Variants in OPLAH observed in about 807,000 individuals in gnomAD.
OPLAH encodes the protein 5-oxoprolinase, ATP-hydrolysing, also known as 5-oxoprolinase.
In OPLAH, 103 loss-of-function variants were observed where a neutral mutation model predicts 122.8. The observed-to-expected ratio is 0.84, with a 90% confidence interval of 0.71 to 0.99. The LOEUF (loss-of-function observed/expected upper bound fraction) is 0.99. Ranked by LOEUF, OPLAH falls within the 50% of genes least tolerant of loss-of-function variation. The pLI, the probability that OPLAH is intolerant of heterozygous loss-of-function variation, is 0.00. For synonymous variants in OPLAH, 875 were observed against 796.0 expected (o/e 1.10, Z -1.67); for missense variants, 1,902 against 1,836.5 (o/e 1.04, Z -0.65).
At position 144,059,633 on chromosome 8, in the gene OPLAH, A is replaced by G; in HGVS notation, c.329T>C (p.Ile110Thr). Residue 110 changes from isoleucine to threonine, a missense_variant, in exon 3 of 27, where the codon ATT becomes ACT. Coordinates refer to ENST00000618853, the MANE Select transcript of OPLAH (RefSeq NM_017570.5). ...GAGGTCCCCACGGGCTTGGGTGCCAATGTGCAGCAGGTCTCGGAAGCCACG... is the reference window on the plus strand; with the variant it reads ...GAGGTCCCCACGGGCTTGGGTGCCAGTGTGCAGCAGGTCTCGGAAGCCACG... Reference protein sequence around the residue: ...VTRGFRDLLHIGTQARGDLFD... With the variant: ...VTRGFRDLLHTGTQARGDLFD... 6.2e-7 allele frequency: 1 copy of G among 1,611,992 alleles called. No individual in the cohort carries two copies. The highest frequency in any genetic ancestry group is 8.5e-7 in the Non-Finnish European group (1 of 1,179,320).
At position 144,060,046 on chromosome 8, in the gene OPLAH, G is replaced by T. The variant is rs782120646; in HGVS notation, c.-14C>A. The T allele has an allele frequency of 4.4e-6, 7 of 1,608,744 alleles. No individual in the cohort carries two copies. In the South Asian group the frequency reaches 6.6e-5, roughly 15 times the overall value. On this transcript the variant is annotated 5_prime_UTR_variant, in exon 2 of 27. Coordinates refer to ENST00000618853, the MANE Select transcript of OPLAH (RefSeq NM_017570.5). ...GGGGCTGCCCATGGTGGTGGGGCTG[G>T]AGTCCCACAGGAGCTCTTCAGCTGG...
chr8:144,054,759 A>G (rs771599959), intron 18 of OPLAH, 24 bp from the exon 19 acceptor site: 1 of 1,612,128 alleles, frequency 6.2e-7, no homozygotes, highest in Non-Finnish European at 8.5e-7. Flanking sequence ...AGCCACGGTC[A>G]GCTGCATCGG....
chr8:144,060,001 GC>G lies in OPLAH; in HGVS notation c.31del (p.Ala11ProfsTer23), dbSNP rs1564295122. The G allele has an allele frequency of 6.2e-7, 1 of 1,612,658 alleles. No homozygotes were observed. The highest frequency in any genetic ancestry group is 8.5e-7 in the Non-Finnish European group (1 of 1,179,780). MGSPEGRFHFAIDRGGTFTDV... is the reference protein window; with the variant it reads MGSPEGRFHFXIDRGGTFTDV... The stretch of plus-strand genomic sequence containing the variant: ...TGTGAAGGTACCCCCACGGTCGATG[GC>G]AAAGTGGAAGCGGCCCTCGGGGCTG... On this transcript the variant is annotated frameshift_variant, in exon 2 of 27. Coordinates refer to ENST00000618853, the MANE Select transcript of OPLAH (RefSeq NM_017570.5). LOFTEE classifies it high-confidence loss of function.
rs781819423 is a variant in OPLAH, at chr8:144,054,847, C to G, written c.2476G>C (p.Gly826Arg). ...VLLSNHPSAG[G>R]SHLPDLTVIT... ...ACAGTCAGGTCTGGCAGGTGGCTGCCCCCGGCACTGGGATGGTTGCTCAGT... is the reference window on the plus strand; with the variant it reads ...ACAGTCAGGTCTGGCAGGTGGCTGCGCCCGGCACTGGGATGGTTGCTCAGT... The change falls in exon 18 of 27, where the codon GGC (glycine) becomes CGC (arginine). Residue 826 changes from glycine (G) to arginine (R), a missense_variant. Physicochemically the swap from Gly to Arg is moderately radical, Grantham distance 125 (BLOSUM62 -2). Coordinates refer to ENST00000618853, the MANE Select transcript of OPLAH (RefSeq NM_017570.5). 1 of 1,612,180 alleles carries G rather than the reference C, an allele frequency of 6.2e-7. No individual in the cohort carries two copies. The highest frequency in any genetic ancestry group is 1.3e-5 in the African/African-American group (1 of 74,966).
chr8:144,054,535 G>T (rs945030886), intron 19 of OPLAH, 26 bp downstream of exon 19: 3 of 1,549,612 alleles, frequency 1.9e-6, no homozygotes, highest in Non-Finnish European at 2.6e-6. Flanking sequence ...CCTACAGAAG[G>T]CCTGCCCCAC....
At chr8:144,060,699 G>GCTCCCGGCGGCCCTGCCCGCA (rs1260058260), upstream of OPLAH, 6 of 152,076 alleles carry the variant, frequency 3.9e-5, no homozygotes, top group African/African-American at 7.2e-5. Flanking sequence ...CTCTGCCTGC[G>GCTCCCGGCGGCCCTGCCCGCA]CTCCCGGCGG....
intron 20 of OPLAH, 33 bp from the exon 21 acceptor site, chr8:144,053,162 C>G: frequency 6.2e-7 from 1 of 1,608,270 alleles, no homozygotes; most frequent in Non-Finnish European, 8.5e-7. Flanking sequence ...GTGGCCAGGT[C>G]ACCTGCAGGA....
intron 13 of OPLAH, 42 bp from the exon 14 acceptor site, chr8:144,056,565 C>G (rs1346751511): frequency 6.2e-7 from 1 of 1,612,250 alleles, no homozygotes; most frequent in Admixed American, 1.7e-5. Context: ...CAGAGTGAGG[C>G]GGCCAGACAG....
At position 144,056,383 on chromosome 8, in the gene OPLAH, AC is replaced by A. The variant is rs1554759080; in HGVS notation, c.1983+1del. ...CAGGCTGGCACAGGCAGGACCACCAACCTTGTCCACCCGGGGAGGCCCGGTC... is the reference window on the plus strand; with the variant it reads ...CAGGCTGGCACAGGCAGGACCACCAACTTGTCCACCCGGGGAGGCCCGGTC... On this transcript the variant is annotated splice_donor_variant, in intron 14 of 26. Transcript: ENST00000618853. LOFTEE classifies it high-confidence loss of function. The A allele has an allele frequency of 1.9e-6, 3 of 1,603,466 alleles. No individual in the cohort carries two copies. Among genetic ancestry groups the A allele is most frequent in the Non-Finnish European group, 1.7e-6 (2 of 1,175,418 alleles).
chr8:144,058,821 A>G lies in OPLAH; in HGVS notation c.539T>C (p.Leu180Pro), dbSNP rs782293663. The G allele has an allele frequency of 2.5e-6, 4 of 1,597,652 alleles. No individual in the cohort carries two copies. The South Asian group carries it at 3.4e-5, about 14-fold the overall frequency. Residue 180 changes from leucine (L) to proline (P), a missense_variant, in exon 5 of 27, where the codon CTA becomes CCA. Around this residue, in one of 3 missense-constraint regions of OPLAH, gnomAD observed 1,726 missense variants for 1,642.1 expected, o/e 1.05. Coordinates refer to ENST00000618853, the MANE Select transcript of OPLAH (RefSeq NM_017570.5). ...AGCCAGGCTGCGGATGCCTCGAGAT[A>G]GCAGCCCCTCCAGCTTCCCACGCAG... is the stretch of plus-strand genomic sequence containing the variant. ...GALRGKLEGL[L>P]SRGIRSLAVV...
Position 144,051,487 on chromosome 8 carries a change from GGGGGC to G in OPLAH, c.3721-20_3721-16del, listed in dbSNP as rs782341746. 45 of 1,469,878 alleles carry G rather than the reference GGGGGC, an allele frequency of 3.1e-5. No individual in the cohort carries two copies. In the African/African-American group the frequency reaches 3.8e-4, roughly 12 times the overall value. 91.1% of individuals were successfully genotyped at this position (1,469,878 alleles called of 1,614,324 possible). ...CAGAACACATCCTGTTGGCGCGGGG[GGGGGC>G]GGGGAGGCGGGCTCAGTGCAGGCGT... On this transcript the variant is annotated splice_polypyrimidine_tract_variant and intron_variant, in intron 26 of 26. Transcript: ENST00000618853.
Position 144,055,659 on chromosome 8 carries a change from G to C in OPLAH, c.2248+129C>G. On this transcript the variant is annotated intron_variant, in intron 16 of 26. Transcript: ENST00000618853. The surrounding 1 kb of genome is among the most constrained non-coding windows in gnomAD (Gnocchi z 6.5). ...TGGCCAACTGCACCACACCAGTGCT[G>C]CGGCCACACTGCCCGCCCCGTCGCC... The C allele has an allele frequency of 1.7e-6, 2 of 1,167,282 alleles. No homozygotes were observed. The highest frequency in any genetic ancestry group is 3.5e-5 in the South Asian group (2 of 56,832). The allele number at this position is 1,167,282 out of a possible 1,614,324, so 72.3% of individuals were successfully genotyped here.
rs1835545317 is a variant in OPLAH, at chr8:144,057,330, C to T, written c.1423-10G>A. The T allele has an allele frequency of 6.2e-7, 1 of 1,607,148 alleles. No individual in the cohort carries two copies. The highest frequency in any genetic ancestry group is 1.1e-5 in the South Asian group (1 of 89,924). On this transcript the variant is annotated splice_polypyrimidine_tract_variant and intron_variant, in intron 10 of 26. Coordinates refer to ENST00000618853, the MANE Select transcript of OPLAH (RefSeq NM_017570.5). ...GGTCATGGCCTCTTGCCTAGGGAGA[C>T]AGAAGGGGTCAGTGGGCTCTCCTAC...
In OPLAH at chr8:144,053,108, G is replaced by T; in HGVS notation, c.2893C>A (p.Arg965=). The change falls in exon 21 of 27, where the codon CGA becomes AGA. Residue 965 remains arginine, a synonymous_variant. Transcript: ENST00000618853. ...HIQANAELAV[R]DMLRAFGTSR... is the part of the protein sequence containing the mutation. ...GTTCCAAAGGCACGCAACATGTCTC[G>T]CACGGCCAGCTCAGCGTTTGCCTGG... 1 of 1,606,290 alleles carries T rather than the reference G, an allele frequency of 6.2e-7. No homozygotes were observed. Among genetic ancestry groups the T allele is most frequent in the East Asian group, 2.3e-5 (1 of 44,420 alleles).
downstream of OPLAH, chr8:144,050,538 G>A: frequency 1.0e-6 from 1 of 985,644 alleles, no homozygotes; most frequent in Non-Finnish European, 1.2e-6. Context: ...TCTCTCTGCA[G>A]ACCACCGGCT....
chr8:144,054,545 C>CCCCACT lies in OPLAH; in HGVS notation c.2686+10_2686+15dup, dbSNP rs782203137. The stretch of plus-strand genomic sequence containing the variant: ...CCCAGCCTACAGAAGGCCTGCCCCA[C>CCCCACT]CCCACTCCCACTCACCCTCCTCCTG... On this transcript the variant is annotated intron_variant, in intron 19 of 26. Coordinates refer to ENST00000618853, the MANE Select transcript of OPLAH (RefSeq NM_017570.5). 6.4e-7 allele frequency: 1 copy of CCCCACT among 1,562,626 alleles called. No homozygotes were observed. The highest frequency in any genetic ancestry group is 8.7e-7 in the Non-Finnish European group (1 of 1,149,466).
chr8:144,058,843 G>A lies in OPLAH; in HGVS notation c.517C>T (p.Arg173Cys), dbSNP rs782233972. 22 of 1,580,010 alleles carry A rather than the reference G, an allele frequency of 1.4e-5. No individual in the cohort carries two copies. Among genetic ancestry groups the A allele is most frequent in the Admixed American group, 1.3e-4 (7 of 55,224 alleles). Residue 173 changes from arginine to cysteine, a missense_variant, in exon 5 of 27, where the codon CGT (arginine) becomes TGT (cysteine). Around this residue, in one of 3 missense-constraint regions of OPLAH, gnomAD observed 1,726 missense variants for 1,642.1 expected, o/e 1.05. Coordinates refer to ENST00000618853, the MANE Select transcript of OPLAH (RefSeq NM_017570.5). ...VQQPVDLGAL[R>C]GKLEGLLSRG... is the part of the protein sequence containing the mutation. ...GATAGCAGCCCCTCCAGCTTCCCAC[G>A]CAGGGCCCCCAGGTCCACAGGCTGC... is the stretch of plus-strand genomic sequence containing the variant.
intron 26 of OPLAH, 23 bp from the exon 27 acceptor site, chr8:144,051,495 G>C: frequency 1.4e-6 from 2 of 1,393,276 alleles, no homozygotes; most frequent in Non-Finnish European, 1.9e-6. Flanking sequence ...GGGGGGGCGG[G>C]GAGGCGGGCT....
At position 144,058,173 on chromosome 8, in the gene OPLAH, G is replaced by A. The variant is rs782805409; in HGVS notation, c.950-25C>T. The A allele has an allele frequency of 8.1e-6, 13 of 1,611,112 alleles. No homozygotes were observed. In the Admixed American group the frequency reaches 1.8e-4, roughly 23 times the overall value. On this transcript the variant is annotated intron_variant, in intron 7 of 26. Transcript: ENST00000618853. ...CCTGGCAGGGGTGGGGTGCTGGTGGGTCACTTGAAGACCCAGGGGCCCAGC... is the reference window on the plus strand; with the variant it reads ...CCTGGCAGGGGTGGGGTGCTGGTGGATCACTTGAAGACCCAGGGGCCCAGC...
Sources: gnomAD v4.1 joint callset for allele counts on GRCh38, gnomAD v4.1.1 for gene constraint, gnomAD v4.1.1 regional missense constraint, Gnocchi (gnomAD v3.1) non-coding constraint, MANE v1.5 for transcripts, NCBI Gene and HGNC (gene_info 2026-07-23, HGNC 2026-07-21) for gene names.